Variants in SLC20A2 observed in about 807,000 individuals in gnomAD.
SLC20A2 encodes solute carrier family 20 member 2.
SLC20A2 carries 30 observed loss-of-function variants against 61.0 expected under a neutral mutation model. The ratio of observed to expected loss-of-function variants is 0.49; its 90% CI spans 0.37 to 0.67. SLC20A2 has a LOEUF of 0.67. Among genes scored for constraint, SLC20A2 ranks in the 30% least tolerant of loss-of-function variants. SLC20A2 has a pLI of 0.00. For synonymous variants in SLC20A2, 351 were observed against 353.3 expected (o/e 0.99, Z 0.07); for missense variants, 626 against 866.4 (o/e 0.72, Z 3.48).
chr8:42,474,951 C>A (rs1807947892), intron 1 of SLC20A2, among the ~76,000 whole-genome samples: 1 of 151,832 alleles, frequency 6.6e-6, no homozygotes, highest in Non-Finnish European at 1.5e-5. Context: ...GACACTCATT[C>A]CAGATGGTTC....
chr8:42,516,331 T>C (rs1811320954), intron 1 of SLC20A2, among the ~76,000 whole-genome samples: 2 of 152,194 alleles, frequency 1.3e-5, no homozygotes, highest in South Asian at 2.1e-4. Context: ...AATACAATAT[T>C]ATCCTAGAAT....
chr8:42,455,487 C>T (rs1055261658), intron 5 of SLC20A2, among the ~76,000 whole-genome samples: 1 of 151,358 alleles, frequency 6.6e-6, no homozygotes, highest in Non-Finnish European at 1.5e-5. Context: ...GGTGAAACCC[C>T]ATCTCTACTA....
intron 1 of SLC20A2, among the ~76,000 whole-genome samples, chr8:42,524,033 T>C (rs2131408129): frequency 6.6e-6 from 1 of 152,314 alleles, no homozygotes; most frequent in Middle Eastern, 3.4e-3. Context: ...GATTATTTCT[T>C]CCAACTAAGA....
intron 3 of SLC20A2, among the ~76,000 whole-genome samples, chr8:42,464,719 T>A (rs145378004): frequency 0.014 from 2,132 of 152,256 alleles, 16 homozygotes; most frequent in Middle Eastern, 0.024. Flanking sequence ...ACACCTGTAA[T>A]CCTGGCACTT....
chr8:42,448,118 C>T (rs1457878689), intron 5 of SLC20A2, among the ~76,000 whole-genome samples: 1 of 152,226 alleles, frequency 6.6e-6, no homozygotes, highest in Non-Finnish European at 1.5e-5. Flanking sequence ...CGCTCTTTAC[C>T]AACGTCAAAC....
At chr8:42,444,177 T>G (rs1805028602) in intron 6 of SLC20A2, among the ~76,000 whole-genome samples, 1 of 152,150 alleles carries the variant, frequency 6.6e-6, no homozygotes. Flanking sequence ...AAGTGTAAGG[T>G]GAACTTTATA....
intron 10 of SLC20A2, among the ~76,000 whole-genome samples, chr8:42,424,319 T>C (rs892577234): frequency 6.8e-6 from 1 of 147,816 alleles, no homozygotes; most frequent in Non-Finnish European, 1.5e-5. Flanking sequence ...AAGGCTTTTT[T>C]TGGGGGGTGC....
intron 2 of SLC20A2, among the ~76,000 whole-genome samples, chr8:42,471,871 A>G (rs1434956676): frequency 6.6e-6 from 1 of 152,242 alleles, no homozygotes; most frequent in East Asian, 1.9e-4. Context: ...AATCTATTTT[A>G]GCAACCAAGT....
chr8:42,541,360 C>A (rs1156255062), intron 1 of SLC20A2: 1 of 147,660 alleles, frequency 6.8e-6, no homozygotes, highest in Non-Finnish European at 1.5e-5. Flanking sequence ...CGCGGGAGCC[C>A]GGGAGTCGGG....
intron 10 of SLC20A2, among the ~76,000 whole-genome samples, chr8:42,424,488 G>A (rs978707932): frequency 2.6e-5 from 4 of 152,062 alleles, no homozygotes; most frequent in African/African-American, 9.7e-5. Context: ...GCCAATTAAG[G>A]CTTTTGACCC....
At chr8:42,438,079 A>AAC (rs1563455885) in intron 7 of SLC20A2, among the ~76,000 whole-genome samples, 2 of 147,906 alleles carry the variant, frequency 1.4e-5, no homozygotes, top group African/African-American at 5.0e-5. Context: ...AAAAAAAAAA[A>AAC]AAAAAAAAAA....
chr8:42,430,020 C>T (rs377287227), intron 9 of SLC20A2, 44 bp downstream of exon 9: 83 of 1,532,736 alleles, frequency 5.4e-5, no homozygotes, highest in Non-Finnish European at 6.8e-5. Flanking sequence ...ACCCAGGCCT[C>T]GGATGACAAG....
intron 1 of SLC20A2, among the ~76,000 whole-genome samples, chr8:42,510,761 G>A (rs1810983798): frequency 6.6e-6 from 1 of 151,974 alleles, no homozygotes; most frequent in Non-Finnish European, 1.5e-5. Flanking sequence ...CTGCCCATCT[G>A]TAAAATGAGG....
rs1806546010 is a variant in SLC20A2, at chr8:42,459,664, T to C, written c.613+232A>G. 1.3e-5 allele frequency among the ~76,000 whole-genome samples: 2 copies of C among 152,328 alleles called. 1 individual carries two copies. The highest frequency in any genetic ancestry group is 6.8e-3 in the Middle Eastern group (2 of 294). On this transcript the variant is annotated intron_variant, in intron 5 of 10. Transcript: ENST00000520262. Reference sequence around the variant, plus strand: ...AAGTCTGTTGCCTTTGTACTCTACATATCTCTTGGGTATTTAATTAAGACA... The same window carrying C: ...AAGTCTGTTGCCTTTGTACTCTACACATCTCTTGGGTATTTAATTAAGACA...
In SLC20A2 at chr8:42,444,648, G is replaced by A; in HGVS notation, c.728C>T (p.Thr243Ile). 1 of 1,611,212 alleles carries A rather than the reference G, an allele frequency of 6.2e-7. No individual in the cohort carries two copies. The highest frequency in any genetic ancestry group is 8.5e-7 in the Non-Finnish European group (1 of 1,177,534). The change falls in exon 6 of 11, where the codon ACA (threonine) becomes ATA (isoleucine). Residue 243 changes from threonine to isoleucine, a missense_variant and splice_region_variant. Around this residue, in one of 3 missense-constraint regions of SLC20A2, gnomAD observed 361 missense variants for 422.3 expected, o/e 0.85. Coordinates refer to ENST00000520262, the MANE Select transcript of SLC20A2 (RefSeq NM_001257180.2). ...CAGAAGAATTAAAAGGCCCATACCTGTTATTTTCCTCCGCATCCACGGACA... is the reference window on the plus strand; with the variant it reads ...CAGAAGAATTAAAAGGCCCATACCTATTATTTTCCTCCGCATCCACGGACA... ...FVCPWMRRKITGKLQKEGALS... is the reference protein window; with the variant it reads ...FVCPWMRRKIIGKLQKEGALS...
chr8:42,532,017 C>A (rs920371503), intron 1 of SLC20A2, among the ~76,000 whole-genome samples: 1 of 150,014 alleles, frequency 6.7e-6, no homozygotes, highest in Non-Finnish European at 1.5e-5. Context: ...TTAGTAGAGA[C>A]GGGGTTTCAC....
chr8:42,418,489 C>T (rs1233881182), intron 10 of SLC20A2, among the ~76,000 whole-genome samples: 1 of 152,082 alleles, frequency 6.6e-6, no homozygotes, highest in Non-Finnish European at 1.5e-5. Context: ...CAGGTTCAAG[C>T]GATTCTCCTG....
chr8:42,436,336 C>T (rs1804251169), intron 8 of SLC20A2, among the ~76,000 whole-genome samples: 1 of 152,132 alleles, frequency 6.6e-6, no homozygotes, highest in Non-Finnish European at 1.5e-5. Context: ...AGCATCGCGC[C>T]CTGGCTGCAT....
chr8:42,478,983 C>T (rs1258832499), intron 1 of SLC20A2, among the ~76,000 whole-genome samples: 2 of 151,994 alleles, frequency 1.3e-5, no homozygotes, highest in Admixed American at 6.6e-5. Context: ...GATTCAGGGA[C>T]GGGTGATGTC....
Sources: gnomAD v4.1 joint callset for allele counts (sites outside exome capture counted in the v4.1 genomes callset) on GRCh38, gnomAD v4.1.1 for gene constraint, gnomAD v4.1.1 regional missense constraint, MANE v1.5 for transcripts, NCBI Gene and HGNC (gene_info 2026-07-23, HGNC 2026-07-21) for gene names.